FAF1: variants seen among roughly 807,000 people sequenced by gnomAD.
FAF1 encodes Fas associated factor 1, also known as FAS-associated factor 1.
Under a neutral mutation model 92.5 loss-of-function variants are expected in FAF1, and 25 were observed. The ratio of observed to expected loss-of-function variants is 0.27; its 90% CI spans 0.20 to 0.38. FAF1 has a LOEUF of 0.38. FAF1 is among the 10% of genes least tolerant of loss of function. FAF1 has a pLI of 1.00. For missense variants in FAF1, 636 were observed against 793.3 expected (o/e 0.80, Z 2.38); for synonymous variants, 234 against 273.2 (o/e 0.86, Z 1.42).
intron 2 of FAF1, among the ~76,000 whole-genome samples, chr1:50,833,300 C>T (rs764518313): frequency 6.6e-6 from 1 of 151,612 alleles, no homozygotes; most frequent in Non-Finnish European, 1.5e-5. Flanking sequence ...ACTCACAGAA[C>T]TCAGGAAAAT....
At chr1:50,625,370 G>A (rs899947234) in intron 8 of FAF1, among the ~76,000 whole-genome samples, 1 of 152,206 alleles carries the variant, frequency 6.6e-6, no homozygotes, top group Non-Finnish European at 1.5e-5. Context: ...CCTAAGGATA[G>A]AGAGAGAAAA....
chr1:50,821,800 C>A (rs1432800952), intron 2 of FAF1, among the ~76,000 whole-genome samples: 5 of 151,994 alleles, frequency 3.3e-5, no homozygotes, highest in Non-Finnish European at 5.9e-5. Context: ...CATATTGATA[C>A]CCTTTTTTAA....
At chr1:50,801,576 G>A in intron 3 of FAF1, 55 bp downstream of exon 3, 1 of 951,604 alleles carries the variant, frequency 1.1e-6, no homozygotes. Context: ...TTAACAGCTA[G>A]CTCTGTTCTT....
chr1:50,646,370 A>C (rs896671150), intron 8 of FAF1, among the ~76,000 whole-genome samples: 2 of 152,222 alleles, frequency 1.3e-5, no homozygotes, highest in Non-Finnish European at 2.9e-5. Flanking sequence ...TTTTATTAGA[A>C]ATAAATGATT....
In FAF1 at chr1:50,594,731, C is replaced by T. The variant is rs191245622; in HGVS notation, c.840+1390G>A. 4.7e-4 allele frequency among the ~76,000 whole-genome samples: 71 copies of T among 151,192 alleles called. 4 individuals carry two copies. Among genetic ancestry groups the T allele is most frequent in the African/African-American group, 1.4e-3 (57 of 41,266 alleles). The stretch of plus-strand genomic sequence containing the variant: ...ATTAAAAATACAAAAATTAGCTGAG[C>T]GTGGTGGCGGGCACCTGTAGTCCCA... On this transcript the variant is annotated intron_variant, in intron 9 of 18. Transcript: ENST00000396153.
chr1:50,798,208 G>A (rs1457462962), intron 3 of FAF1, among the ~76,000 whole-genome samples: 1 of 152,122 alleles, frequency 6.6e-6, no homozygotes, highest in African/African-American at 2.4e-5. Context: ...CAAAACCTGG[G>A]CATTTACATA....
chr1:50,598,679 A>G (rs756021181), intron 8 of FAF1, among the ~76,000 whole-genome samples: 5 of 152,002 alleles, frequency 3.3e-5, no homozygotes, highest in Admixed American at 1.3e-4. Flanking sequence ...GCTGGGCGCA[A>G]TGGCTCATGT....
At chr1:50,502,438 T>C (rs563848175) in intron 15 of FAF1, among the ~76,000 whole-genome samples, 41 of 152,318 alleles carry the variant, frequency 2.7e-4, no homozygotes, top group African/African-American at 9.6e-4. Context: ...GATGGTCACA[T>C]ACAGGGTTGT....
At chr1:50,602,749 G>A (rs1321504141) in intron 8 of FAF1, among the ~76,000 whole-genome samples, 4 of 151,898 alleles carry the variant, frequency 2.6e-5, no homozygotes, top group Admixed American at 6.6e-5. Context: ...TGATCTGCCC[G>A]CCTCGGCTTC....
intron 8 of FAF1, chr1:50,612,535 T>C (rs1652729408): frequency 1.1e-6 from 1 of 940,318 alleles, no homozygotes; most frequent in Non-Finnish European, 1.3e-6. Flanking sequence ...GGCTCATGTC[T>C]AGTCAATAGT....
chr1:50,635,314 T>G (rs926055505), intron 8 of FAF1, among the ~76,000 whole-genome samples: 2 of 152,212 alleles, frequency 1.3e-5, no homozygotes, highest in African/African-American at 4.8e-5. Flanking sequence ...TTTAATCACA[T>G]GAAGACAAAG....
intron 15 of FAF1, among the ~76,000 whole-genome samples, chr1:50,526,623 G>C (rs1647819817): frequency 6.6e-6 from 1 of 151,634 alleles, no homozygotes; most frequent in African/African-American, 2.4e-5. Flanking sequence ...TGGTTATTAT[G>C]AATAATGCTA....
At chr1:50,690,275 C>G (rs1173031476) in intron 7 of FAF1, among the ~76,000 whole-genome samples, 1 of 151,934 alleles carries the variant, frequency 6.6e-6, no homozygotes, top group African/African-American at 2.4e-5. Context: ...CGTGAGCCAC[C>G]GCACCCGGCA....
rs74080048 is a variant in FAF1, at chr1:50,706,696, C to T, written c.552-805G>A. Among the ~76,000 whole-genome samples, 1,174 of 152,148 alleles carry T rather than the reference C, an allele frequency of 7.7e-3. 13 individuals are homozygous for T. Among genetic ancestry groups the T allele is most frequent in the African/African-American group, 0.027 (1,134 of 41,522 alleles). On this transcript the variant is annotated intron_variant, in intron 6 of 18. Transcript: ENST00000396153. Reference sequence around the variant, plus strand: ...AAACTAATATTAAATGAGTATTAAACTAATATTAGAAATATTATTTTCATC... The same window carrying T: ...AAACTAATATTAAATGAGTATTAAATTAATATTAGAAATATTATTTTCATC...
chr1:50,861,469 G>GT (rs888333391), intron 1 of FAF1, among the ~76,000 whole-genome samples: 3 of 151,684 alleles, frequency 2.0e-5, no homozygotes, highest in Non-Finnish European at 4.4e-5. Flanking sequence ...GTCAAAAACC[G>GT]TATGTTCTTA....
chr1:50,766,823 A>G (rs1048196388), intron 4 of FAF1, among the ~76,000 whole-genome samples: 5 of 148,250 alleles, frequency 3.4e-5, no homozygotes, highest in African/African-American at 1.2e-4. Context: ...CCACACATCC[A>G]AAAGACAGCA....
intron 8 of FAF1, among the ~76,000 whole-genome samples, chr1:50,645,027 C>T (rs987612929): frequency 3.3e-5 from 5 of 152,138 alleles, no homozygotes; most frequent in African/African-American, 9.7e-5. Flanking sequence ...TCTTTTAAAC[C>T]CAAACTTTCT....
chr1:50,573,238 G>A (rs1475301962), intron 12 of FAF1, among the ~76,000 whole-genome samples: 1 of 151,618 alleles, frequency 6.6e-6, no homozygotes, highest in African/African-American at 2.4e-5. Context: ...AGCTGAGATT[G>A]CAGGCAGCTG....
At chr1:50,519,415 A>AGGGAGG (rs1647386712) in intron 15 of FAF1, among the ~76,000 whole-genome samples, 1 of 90,178 alleles carries the variant, frequency 1.1e-5, no homozygotes, top group African/African-American at 4.4e-5. Context: ...AGGGAGGGAG[A>AGGGAGG]GAAGGAAGGA....
Sources: allele counts gnomAD v4.1 joint callset (sites outside exome capture counted in the v4.1 genomes callset), GRCh38; gene constraint gnomAD v4.1.1; transcripts MANE v1.5; gene names NCBI Gene and HGNC (gene_info 2026-07-23, HGNC 2026-07-21).